NINL: variants seen among roughly 807,000 people sequenced by gnomAD.
NINL encodes ninein-like protein.
Under a neutral mutation model 160.3 loss-of-function variants are expected in NINL, and 153 were observed. The observed-to-expected ratio is 0.95, with a 90% CI of 0.84 to 1.09. NINL has a LOEUF of 1.09. NINL is among the 50% of genes least tolerant of loss of function. The pLI, the probability that NINL is intolerant of heterozygous loss-of-function variation, is 0.00. For synonymous variants in NINL, 800 were observed against 734.8 expected, an observed-to-expected ratio of 1.09 and a Z score of -1.43; for missense variants, 1,829 against 1,764.0, an observed-to-expected ratio of 1.04 and a Z score of -0.66.
intron 19 of NINL, 34 bp from the exon 20 acceptor site, chr20:25,462,575 A>T: frequency 6.4e-7 from 1 of 1,558,430 alleles, no homozygotes; most frequent in Non-Finnish European, 8.7e-7. Context: ...CATAAGAAAA[A>T]AATGTTTTTA....
At chr20:25,457,605 C>T (rs1356201101) in intron 22 of NINL, among the ~76,000 whole-genome samples, 3 of 152,190 alleles carry the variant, frequency 2.0e-5, no homozygotes, top group Non-Finnish European at 4.4e-5. Context: ...TTACACTTTA[C>T]AAACATCAAA....
chr20:25,461,519 C>T lies in NINL; in HGVS notation c.3696+3G>A, dbSNP rs749857730. ...AGTGCCTCCAGCCATCGCTCACACC[C>T]ACCTGGTCTTGACTTTCCTCAAGGG... is the stretch of plus-strand genomic sequence containing the variant. On this transcript the variant is annotated splice_donor_region_variant and intron_variant, in intron 21 of 23. Coordinates refer to ENST00000278886, the MANE Select transcript of NINL (RefSeq NM_025176.6). 7.1e-6 allele frequency: 11 copies of T among 1,544,654 alleles called. No individual in the cohort carries two copies. The Admixed American group carries it at 1.4e-4, about 20-fold the overall frequency.
chr20:25,502,443 T>C (rs560809849), intron 7 of NINL, among the ~76,000 whole-genome samples: 1 of 152,282 alleles, frequency 6.6e-6, no homozygotes, highest in South Asian at 2.1e-4. Context: ...CTCCTCAAAC[T>C]GCAGAGAGAC....
chr20:25,475,081 G>A (rs963753386), intron 17 of NINL, among the ~76,000 whole-genome samples: 2 of 151,538 alleles, frequency 1.3e-5, no homozygotes, highest in African/African-American at 4.8e-5. Context: ...CCGTGCCCTA[G>A]TTGTTACGAG....
Position 25,494,956 on chromosome 20 carries a change from C to T in NINL, c.1310+1707G>A, listed in dbSNP as rs917155016. ...GAGACCTGGGTGTCAGCTTCACACA[C>T]GCACGCTCACTGCTGCGGGACTGGG... is the stretch of plus-strand genomic sequence containing the variant. On this transcript the variant is annotated intron_variant, in intron 10 of 23. Transcript: ENST00000278886. Among the ~76,000 whole-genome samples, 3 of 152,198 alleles carry T rather than the reference C, an allele frequency of 2.0e-5. No individual in the cohort carries two copies. The South Asian group carries it at 6.2e-4, about 32-fold the overall frequency.
intron 2 of NINL, among the ~76,000 whole-genome samples, chr20:25,525,246 T>G (rs1236584487): frequency 6.6e-6 from 1 of 152,226 alleles, no homozygotes; most frequent in African/African-American, 2.4e-5. Flanking sequence ...AGAAGTCGGA[T>G]TCAACCAGAC....
chr20:25,489,957 A>C lies in NINL; in HGVS notation c.1514T>G (p.Val505Gly). ...ATCCGAAAGCTTTTCCACCACTTCC[A>C]CAATCTCCTTCTGTAGGCGACTGTT... Reference protein sequence around the residue: ...KENSRLQKEIVEVVEKLSDSE... With the variant: ...KENSRLQKEIGEVVEKLSDSE... The change falls in exon 12 of 24, where the codon GTG (valine) becomes GGG (glycine). Residue 505 changes from valine to glycine, a missense_variant. Val to Gly is a moderately radical substitution (Grantham distance 109, BLOSUM62 -3). Coordinates refer to ENST00000278886, the MANE Select transcript of NINL (RefSeq NM_025176.6). 1.2e-6 allele frequency: 2 copies of C among 1,614,110 alleles called. No individual in the cohort carries two copies. The highest frequency in any genetic ancestry group is 1.7e-6 in the Non-Finnish European group (2 of 1,180,000).
chr20:25,521,778 C>T (rs531936422), intron 2 of NINL, among the ~76,000 whole-genome samples: 65 of 152,260 alleles, frequency 4.3e-4, no homozygotes, highest in African/African-American at 1.4e-3. Flanking sequence ...TGAATGACTC[C>T]GGGTTTTGAC....
intron 1 of NINL, among the ~76,000 whole-genome samples, chr20:25,534,693 GTATATGAC>G (rs1244223154): frequency 2.0e-5 from 3 of 152,172 alleles, no homozygotes; most frequent in African/African-American, 7.2e-5. Context: ...TTGTTATGTG[GTATATGAC>G]TATATGTACT....
chr20:25,511,950 GCAGGAAC>G (rs929571011), intron 4 of NINL, among the ~76,000 whole-genome samples: 4 of 152,200 alleles, frequency 2.6e-5, no homozygotes, highest in African/African-American at 7.2e-5. Flanking sequence ...AGCACAGAGA[GCAGGAAC>G]CAGGAACCTT....
intron 14 of NINL, among the ~76,000 whole-genome samples, chr20:25,480,577 G>A (rs1291627372): frequency 6.6e-6 from 1 of 152,176 alleles, no homozygotes; most frequent in Admixed American, 6.5e-5. Flanking sequence ...CCAGGGTCAC[G>A]GAGGAAATGG....
intron 21 of NINL, among the ~76,000 whole-genome samples, chr20:25,459,572 C>T (rs983777966): frequency 6.6e-6 from 1 of 152,194 alleles, no homozygotes; most frequent in African/African-American, 2.4e-5. Context: ...GCTGCCGCCG[C>T]CCAGGCCTGC....
intron 1 of NINL, among the ~76,000 whole-genome samples, chr20:25,556,370 TC>T (rs1423862841): frequency 1.3e-5 from 2 of 152,216 alleles, no homozygotes; most frequent in Non-Finnish European, 2.9e-5. Context: ...ATGCCTGTAA[TC>T]CCAGCACTTT....
intron 1 of NINL, among the ~76,000 whole-genome samples, chr20:25,560,435 A>G (rs80279605): frequency 6.6e-6 from 1 of 152,204 alleles, no homozygotes; most frequent in East Asian, 1.9e-4. Flanking sequence ...CAAACTGGCT[A>G]AGGTCAGTAG....
intron 1 of NINL, among the ~76,000 whole-genome samples, chr20:25,561,032 CCCCT>C (rs1450501340): frequency 0.054 from 2,074 of 38,226 alleles, 3 homozygotes; most frequent in South Asian, 0.13. Context: ...CTCTCCCTCT[CCCCT>C]CCTCTCCCTC....
chr20:25,469,957 C>T (rs563003615), intron 18 of NINL, 34 bp downstream of exon 18: 3 of 1,511,106 alleles, frequency 2.0e-6, no homozygotes, highest in South Asian at 2.2e-5. Flanking sequence ...CAAAACGCAC[C>T]CCCAGAAGGT....
chr20:25,497,738 C>A (rs967526387), intron 9 of NINL, among the ~76,000 whole-genome samples: 9 of 152,204 alleles, frequency 5.9e-5, no homozygotes, highest in Admixed American at 1.3e-4. Flanking sequence ...AGCCTGGGAG[C>A]CCCCTGGCGC....
At chr20:25,472,332 T>G (rs1280697373) in intron 17 of NINL, among the ~76,000 whole-genome samples, 1 of 34,994 alleles carries the variant, frequency 2.9e-5, no homozygotes, top group East Asian at 0.011. Flanking sequence ...AGGATATATA[T>G]ATATATATAT....
intron 1 of NINL, among the ~76,000 whole-genome samples, chr20:25,576,370 C>G (rs1314789432): frequency 6.6e-6 from 1 of 152,208 alleles, no homozygotes; most frequent in African/African-American, 2.4e-5. Context: ...TAACTGGTGA[C>G]AGTAACTGCA....
Sources: gnomAD v4.1 joint callset for allele counts (sites outside exome capture counted in the v4.1 genomes callset) on GRCh38, gnomAD v4.1.1 for gene constraint, MANE v1.5 for transcripts, NCBI Gene and HGNC (gene_info 2026-07-23, HGNC 2026-07-21) for gene names.